Variants in CTNNA3 observed in about 807,000 individuals in gnomAD.
CTNNA3 encodes the protein catenin alpha 3.
In CTNNA3, 76 loss-of-function variants were observed where a neutral mutation model predicts 95.7. That is an observed-to-expected ratio of 0.79 (90% CI 0.66 to 0.96). CTNNA3 has a LOEUF of 0.96. CTNNA3 is among the 40% of genes least tolerant of loss of function. The pLI, the probability that CTNNA3 is intolerant of heterozygous loss-of-function variation, is 0.00. For missense variants in CTNNA3, 1,191 were observed against 1,089.8 expected, an observed-to-expected ratio of 1.09 and a Z score of -1.31; for synonymous variants, 431 against 374.4, an observed-to-expected ratio of 1.15 and a Z score of -1.74.
chr10:67,200,979 C>G (rs989188703), intron 6 of CTNNA3, among the ~76,000 whole-genome samples: 1 of 152,126 alleles, frequency 6.6e-6, no homozygotes, highest in Non-Finnish European at 1.5e-5. Context: ...TTGACCCCAA[C>G]GGATGCTCTC....
At chr10:66,974,032 C>T (rs1022540395) in intron 7 of CTNNA3, among the ~76,000 whole-genome samples, 1 of 152,128 alleles carries the variant, frequency 6.6e-6, no homozygotes, top group Non-Finnish European at 1.5e-5. Context: ...AACCACCACA[C>T]AAATCAAGAT....
intron 1 of CTNNA3, among the ~76,000 whole-genome samples, chr10:67,670,095 A>C (rs529929963): frequency 2.6e-5 from 4 of 152,242 alleles, no homozygotes; most frequent in Non-Finnish European, 5.9e-5. Flanking sequence ...ACACTAAGAA[A>C]AAATAGAAAC....
At chr10:66,330,066 A>G (rs2092305986) in intron 12 of CTNNA3, among the ~76,000 whole-genome samples, 1 of 152,000 alleles carries the variant, frequency 6.6e-6, no homozygotes, top group Non-Finnish European at 1.5e-5. Flanking sequence ...AAGTAAGCAC[A>G]TATTTCTTTT....
chr10:66,850,730 A>C (rs1843455762), intron 7 of CTNNA3, among the ~76,000 whole-genome samples: 1 of 151,960 alleles, frequency 6.6e-6, no homozygotes, highest in African/African-American at 2.4e-5. Flanking sequence ...AAAAGCTGAA[A>C]ATTAAAATCT....
intron 5 of CTNNA3, among the ~76,000 whole-genome samples, chr10:67,319,115 T>C (rs1259418576): frequency 6.6e-6 from 1 of 152,168 alleles, no homozygotes; most frequent in Non-Finnish European, 1.5e-5. Flanking sequence ...CAGCCCCCAA[T>C]AAAAACCCTG....
intron 17 of CTNNA3, among the ~76,000 whole-genome samples, chr10:65,940,237 C>T (rs926826264): frequency 1.3e-4 from 20 of 152,206 alleles, no homozygotes; most frequent in African/African-American, 3.9e-4. Context: ...ACTTCTAAGC[C>T]ACAAGAAATT....
intron 7 of CTNNA3, among the ~76,000 whole-genome samples, chr10:66,856,294 C>T (rs1396341534): frequency 6.6e-6 from 1 of 152,020 alleles, no homozygotes; most frequent in Non-Finnish European, 1.5e-5. Flanking sequence ...TGTATATGTA[C>T]CACATTTTCT....
At chr10:67,111,744 G>A (rs145105208) in intron 7 of CTNNA3, among the ~76,000 whole-genome samples, 141 of 151,962 alleles carry the variant, frequency 9.3e-4, no homozygotes, top group Non-Finnish European at 1.4e-3. Context: ...CCAGAGTCAT[G>A]GTATCAACAG....
chr10:67,662,137 G>A (rs1469860609), intron 1 of CTNNA3, among the ~76,000 whole-genome samples: 1 of 152,076 alleles, frequency 6.6e-6, no homozygotes, highest in Non-Finnish European at 1.5e-5. Context: ...ATCCTTGGGG[G>A]ATATGTTCCA....
chr10:66,551,662 C>A (rs1564528024), intron 10 of CTNNA3, among the ~76,000 whole-genome samples: 1 of 151,962 alleles, frequency 6.6e-6, no homozygotes, highest in Non-Finnish European at 1.5e-5. Flanking sequence ...TACTTTGTAA[C>A]ATGTGGATCT....
intron 7 of CTNNA3, among the ~76,000 whole-genome samples, chr10:66,997,956 C>T (rs1851451434): frequency 1.3e-5 from 2 of 152,166 alleles, no homozygotes; most frequent in Non-Finnish European, 2.9e-5. Flanking sequence ...AAGTTCACTA[C>T]CACTGCTTCA....
At chr10:66,074,687 T>C (rs2080514590) in intron 14 of CTNNA3, among the ~76,000 whole-genome samples, 1 of 151,918 alleles carries the variant, frequency 6.6e-6, no homozygotes, top group African/African-American at 2.4e-5. Flanking sequence ...TTCTTCCCCC[T>C]AGATGTTCAT....
At chr10:67,455,711 C>T (rs958298503) in intron 5 of CTNNA3, among the ~76,000 whole-genome samples, 3 of 152,106 alleles carry the variant, frequency 2.0e-5, no homozygotes, top group Non-Finnish European at 4.4e-5. Flanking sequence ...ATTTAAGGGC[C>T]ATTCTACAAA....
At chr10:66,253,607 G>T (rs10762040) in intron 13 of CTNNA3, among the ~76,000 whole-genome samples, 26,300 of 152,098 alleles carry the variant, frequency 0.17, 2,537 homozygotes, top group Admixed American at 0.26. Flanking sequence ...TGGTTAAACT[G>T]TGTGCACCAC....
At chr10:66,953,135 T>A (rs911478952) in intron 7 of CTNNA3, among the ~76,000 whole-genome samples, 1 of 152,178 alleles carries the variant, frequency 6.6e-6, no homozygotes, top group Non-Finnish European at 1.5e-5. Context: ...GTTATCTTAA[T>A]CATAAACCTG....
At chr10:66,894,070 G>T (rs1845380414) in intron 7 of CTNNA3, among the ~76,000 whole-genome samples, 1 of 152,024 alleles carries the variant, frequency 6.6e-6, no homozygotes. Context: ...CTTAAATCAT[G>T]TGTCTAACAA....
intron 5 of CTNNA3, among the ~76,000 whole-genome samples, chr10:67,512,544 T>A (rs1029909326): frequency 1.3e-5 from 2 of 152,184 alleles, no homozygotes; most frequent in African/African-American, 4.8e-5. Context: ...AAATTGTCAA[T>A]AAATCAAAAT....
chr10:66,974,324 T>C (rs1849900430), intron 7 of CTNNA3, among the ~76,000 whole-genome samples: 1 of 152,220 alleles, frequency 6.6e-6, no homozygotes, highest in Non-Finnish European at 1.5e-5. Flanking sequence ...AAGTGCTTCT[T>C]AGCAGTTCAT....
chr10:67,666,123 G>T (rs538075747), intron 1 of CTNNA3, among the ~76,000 whole-genome samples: 7 of 152,126 alleles, frequency 4.6e-5, no homozygotes, highest in African/African-American at 1.7e-4. Flanking sequence ...GTACAGGTTT[G>T]TTATATGGGT....
Sources: allele counts gnomAD v4.1 joint callset (sites outside exome capture counted in the v4.1 genomes callset), GRCh38; gene constraint gnomAD v4.1.1; transcripts MANE v1.5; gene names NCBI Gene and HGNC (gene_info 2026-07-23, HGNC 2026-07-21).